Variants in IL10RB observed in about 807,000 individuals in gnomAD.
The protein encoded by IL10RB is interleukin-10 receptor subunit beta.
In IL10RB, 30 loss-of-function variants were observed where a neutral mutation model predicts 38.7. The ratio of observed to expected loss-of-function variants is 0.78; its 90% confidence interval spans 0.58 to 1.05. IL10RB has a LOEUF of 1.05. Ranked by LOEUF, IL10RB falls within the 50% of genes least tolerant of loss-of-function variation. IL10RB has a pLI of 0.00. For missense variants in IL10RB, 328 were observed against 397.1 expected (o/e 0.83, Z 1.48); for synonymous variants, 142 against 145.9 (o/e 0.97, Z 0.19).
chr21:33,275,057 A>T (rs1410094939), intron 2 of IL10RB, among the ~76,000 whole-genome samples: 1 of 151,742 alleles, frequency 6.6e-6, no homozygotes, highest in Non-Finnish European at 1.5e-5. Context: ...CAGCTTCTAC[A>T]TGGGCACTTG....
At chr21:33,297,783 G>A (rs934531455), downstream of IL10RB, among the ~76,000 whole-genome samples, 16 of 151,868 alleles carry the variant, frequency 1.1e-4, no homozygotes, top group East Asian at 3.9e-4. Flanking sequence ...ATTGCCCTCC[G>A]GCCCTGCCTG....
chr21:33,288,136 C>G lies in IL10RB; in HGVS notation c.679C>G (p.Leu227Val), dbSNP rs762831183. 1.2e-6 allele frequency: 2 copies of G among 1,614,152 alleles called. No individual in the cohort carries two copies. The highest frequency in any genetic ancestry group is 1.7e-6 in the Non-Finnish European group (2 of 1,180,016). ...CCCCTCCTGGATGGTGGCCGTCATC[C>G]TCATGGCCTCGGTCTTCATGGTCTG... ...TVPSWMVAVI[L>V]MASVFMVCLA... Residue 227 changes from leucine to valine, a missense_variant, in exon 6 of 7, where the codon CTC (leucine) becomes GTC (valine). Leu to Val is a conservative substitution (Grantham distance 32, BLOSUM62 1). Transcript: ENST00000290200.
intron 4 of IL10RB, 41 bp from the exon 5 acceptor site, chr21:33,283,052 TC>T: frequency 6.5e-7 from 1 of 1,545,482 alleles, no homozygotes; most frequent in Non-Finnish European, 8.9e-7. Flanking sequence ...GTGGTGCCCT[TC>T]CACTGCTTAG....
intron 3 of IL10RB, 105 bp from the exon 4 acceptor site, chr21:33,279,647 C>A: frequency 1.1e-6 from 1 of 920,584 alleles, no homozygotes; most frequent in South Asian, 1.3e-5. Context: ...TATATCAAAG[C>A]AGTGTACTTC....
chr21:33,296,952 TCAAA>T lies in IL10RB; in HGVS notation c.*596_*599del, dbSNP rs1568913472. The T allele has an allele frequency of 4.5e-5, 2 of 44,284 alleles. No homozygotes were observed. Among genetic ancestry groups the T allele is most frequent in the Non-Finnish European group, 7.6e-5 (2 of 26,202 alleles). 2.7% of individuals were successfully genotyped at this position (44,284 alleles called of 1,614,324 possible). A position where few individuals can be genotyped will look rare whatever the true frequency, so the allele number is the denominator to read the frequency against. On this transcript the variant is annotated 3_prime_UTR_variant, in exon 7 of 7. Transcript: ENST00000290200. ...CTGGGTGACAAAGTGAGACTCCATC[TCAAA>T]AAAAAAAAAAAAAAAAATTGTGAGA... is the stretch of plus-strand genomic sequence containing the variant.
At chr21:33,274,111 C>T (rs1338008162) in intron 2 of IL10RB, among the ~76,000 whole-genome samples, 3 of 152,126 alleles carry the variant, frequency 2.0e-5, no homozygotes, top group African/African-American at 7.2e-5. Context: ...TTTACCTTGC[C>T]CAGATCCATC....
intron 2 of IL10RB, among the ~76,000 whole-genome samples, 167 bp from the exon 3 acceptor site, chr21:33,276,429 A>T (rs1359811744): frequency 1.3e-5 from 2 of 152,162 alleles, no homozygotes; most frequent in African/African-American, 2.4e-5. Context: ...GCACGTAGTC[A>T]TTAAGATGTT....
chr21:33,275,986 C>A (rs1026935716), intron 2 of IL10RB, among the ~76,000 whole-genome samples: 1 of 152,108 alleles, frequency 6.6e-6, no homozygotes, highest in Admixed American at 6.5e-5. Flanking sequence ...TGAAATATTG[C>A]GAGAATTACC....
chr21:33,275,987 G>T (rs1167601105), intron 2 of IL10RB, among the ~76,000 whole-genome samples: 1 of 152,184 alleles, frequency 6.6e-6, no homozygotes, highest in Non-Finnish European at 1.5e-5. Context: ...GAAATATTGC[G>T]AGAATTACCA....
chr21:33,268,599 G>C, intron 2 of IL10RB, 82 bp downstream of exon 2: 1 of 981,008 alleles, frequency 1.0e-6, no homozygotes, highest in South Asian at 1.3e-5. Flanking sequence ...ACAGGAGGAA[G>C]GGAGTCTGAC....
At chr21:33,298,848 A>G (rs2082977819), downstream of IL10RB, among the ~76,000 whole-genome samples, 2 of 152,268 alleles carry the variant, frequency 1.3e-5, no homozygotes, top group Middle Eastern at 6.8e-3. Flanking sequence ...TAGAAAAGGG[A>G]TACCTGGAAG....
At chr21:33,306,313 A>C (rs2082998821) in intron 1 of IL10RB, among the ~76,000 whole-genome samples, 1 of 152,202 alleles carries the variant, frequency 6.6e-6, no homozygotes, top group African/African-American at 2.4e-5. Context: ...TTTTATAAAA[A>C]GGTTTTTGGA....
intron 5 of IL10RB, among the ~76,000 whole-genome samples, chr21:33,284,261 A>C (rs1221004885): frequency 6.7e-6 from 1 of 149,180 alleles, no homozygotes; most frequent in East Asian, 2.0e-4. Context: ...ATGCCACTGC[A>C]CTCCAGCCTA....
In IL10RB at chr21:33,296,577, CATG is replaced by C. The variant is rs1315437064; in HGVS notation, c.*224_*226del. 1 of 676,414 alleles carries C rather than the reference CATG, an allele frequency of 1.5e-6. No individual in the cohort carries two copies. Among genetic ancestry groups the C allele is most frequent in the Non-Finnish European group, 2.7e-6 (1 of 369,404 alleles). 41.9% of individuals were successfully genotyped at this position (676,414 alleles called of 1,614,324 possible). A position where few individuals can be genotyped will look rare whatever the true frequency, so the allele number is the denominator to read the frequency against. On this transcript the variant is annotated 3_prime_UTR_variant, in exon 7 of 7. Transcript: ENST00000290200. ...GAACTCACTGCCTTATAAAGGCTTT[CATG>C]ATGTTTTCAGAAGTTGGCCACTGAG...
chr21:33,275,209 A>C (rs1989149201), intron 2 of IL10RB, among the ~76,000 whole-genome samples: 1 of 141,442 alleles, frequency 7.1e-6, no homozygotes, highest in Non-Finnish European at 1.5e-5. Context: ...AAGCTGGAAT[A>C]CAGTGACACA....
At chr21:33,284,701 G>A (rs561259680) in intron 5 of IL10RB, among the ~76,000 whole-genome samples, 5 of 152,212 alleles carry the variant, frequency 3.3e-5, no homozygotes, top group Non-Finnish European at 5.9e-5. Context: ...TCCCGAGAGT[G>A]AGTGACTTCC....
At chr21:33,286,463 C>T (rs536378016) in intron 5 of IL10RB, among the ~76,000 whole-genome samples, 42 of 152,242 alleles carry the variant, frequency 2.8e-4, no homozygotes, top group African/African-American at 9.9e-4. Context: ...GCTGGGACCA[C>T]GAGCAACCCA....
intron 6 of IL10RB, among the ~76,000 whole-genome samples, chr21:33,291,867 G>A (rs571328698): frequency 6.6e-6 from 1 of 152,118 alleles, no homozygotes; most frequent in Non-Finnish European, 1.5e-5. Flanking sequence ...AGCAGTGGTG[G>A]CTACCCAGCC....
rs763342351 is a variant in IL10RB at position 33,283,187 on chromosome 21, C to T, written c.592C>T (p.Arg198Trp). The T allele has an allele frequency of 1.2e-5, 20 of 1,614,054 alleles. No individual in the cohort carries two copies. Among genetic ancestry groups the T allele is most frequent in the East Asian group, 4.5e-5 (2 of 44,888 alleles). ...CVQVRGFLPD[R>W]NKAGEWSEPV... is the part of the protein sequence containing the mutation. Reference sequence around the variant, plus strand: ...TCAAGTTCGAGGGTTTCTTCCTGATCGGAACAAAGCTGGGGAATGGAGTGA... The same window carrying T: ...TCAAGTTCGAGGGTTTCTTCCTGATTGGAACAAAGCTGGGGAATGGAGTGA... The change falls in exon 5 of 7, where the codon CGG (arginine) becomes TGG (tryptophan). Residue 198 changes from arginine (R) to tryptophan (W), a missense_variant. Arg to Trp is a moderately radical substitution (Grantham distance 101). Coordinates refer to ENST00000290200, the MANE Select transcript of IL10RB (RefSeq NM_000628.5).
Sources: allele counts gnomAD v4.1 joint callset (sites outside exome capture counted in the v4.1 genomes callset), GRCh38; gene constraint gnomAD v4.1.1; transcripts MANE v1.5; gene names NCBI Gene and HGNC (gene_info 2026-07-23, HGNC 2026-07-21).